The following STEEP1 variants were observed in gnomAD, a reference collection of about 807,000 sequenced individuals.
STEEP1 encodes STING ER exit protein.
Under a neutral mutation model 19.2 loss-of-function variants are expected in STEEP1, and 3 were observed. That is an observed-to-expected ratio of 0.16 (90% confidence interval 0.07 to 0.40). STEEP1 has a LOEUF of 0.40. Ranked by LOEUF, STEEP1 falls within the 10% of genes least tolerant of loss-of-function variation. The pLI, the probability that STEEP1 is intolerant of heterozygous loss-of-function variation, is 0.99. For missense variants in STEEP1, 54 were observed against 177.1 expected (o/e 0.30, Z 3.94); for synonymous variants, 46 against 63.7 (o/e 0.72, Z 1.32).
chrX:119,565,358 T>C lies in STEEP1; in HGVS notation c.-3A>G, dbSNP rs764324871. The C allele has an allele frequency of 1.3e-5, 16 of 1,188,557 alleles. No homozygotes were observed. The East Asian group carries it at 4.2e-4, about 31-fold the overall frequency. Reference sequence around the variant, plus strand: ...GACCGAGACACTACTTTCGGCATGATTCCCAAGAGCAATCTGAAAACTCTA... The same window carrying C: ...GACCGAGACACTACTTTCGGCATGACTCCCAAGAGCAATCTGAAAACTCTA... On this transcript the variant is annotated 5_prime_UTR_variant, in exon 1 of 7. Coordinates refer to ENST00000644802, the MANE Select transcript of STEEP1 (RefSeq NM_022101.4).
chrX:119,555,123 AC>A (rs1468391026), intron 2 of STEEP1, among the ~76,000 whole-genome samples: 11 of 108,411 alleles, frequency 1.0e-4, no homozygotes, highest in African/African-American at 3.7e-4. Flanking sequence ...AAAAAAAAAG[AC>A]TTCAGATGAC....
intron 1 of STEEP1, among the ~76,000 whole-genome samples, chrX:119,561,864 T>A (rs1187248589): frequency 9.0e-6 from 1 of 111,525 alleles, no homozygotes; most frequent in Non-Finnish European, 1.9e-5. Flanking sequence ...TAAAGATTTG[T>A]TGTTCCTATT....
At chrX:119,554,744 T>A (rs770847791) in intron 2 of STEEP1, among the ~76,000 whole-genome samples, 12 of 111,569 alleles carry the variant, frequency 1.1e-4, no homozygotes, top group Non-Finnish European at 1.9e-4. Flanking sequence ...AAACTGAGGC[T>A]TCTTGCCAAC....
intron 2 of STEEP1, among the ~76,000 whole-genome samples, chrX:119,555,904 G>C (rs2053275496): frequency 9.0e-6 from 1 of 111,650 alleles, no homozygotes; most frequent in East Asian, 2.8e-4. Context: ...TAAGAAGAAG[G>C]AAAAGAAGGA....
intron 6 of STEEP1, 111 bp downstream of exon 6, chrX:119,541,217 T>C: frequency 1.9e-6 from 1 of 535,862 alleles, no homozygotes; most frequent in East Asian, 3.4e-5. Flanking sequence ...CCAACTACTC[T>C]AAAACCTCCC....
chrX:119,542,671 C>T, intron 4 of STEEP1, 77 bp from the exon 5 acceptor site: 1 of 672,696 alleles, frequency 1.5e-6, no homozygotes, highest in Non-Finnish European at 2.4e-6. Context: ...TGCGCACACG[C>T]CTGTGTGAGG....
chrX:119,542,055 C>CTTTTCTTT (rs2053165623), intron 5 of STEEP1, among the ~76,000 whole-genome samples: 1 of 82,908 alleles, frequency 1.2e-5, no homozygotes, highest in Non-Finnish European at 2.3e-5. Context: ...CTTTTCTTTT[C>CTTTTCTTT]TTTTTTTTTT....
chrX:119,544,429 T>A lies in STEEP1; in HGVS notation c.347A>T (p.Asp116Val). 1 of 1,208,978 alleles carries A rather than the reference T, an allele frequency of 8.3e-7. No homozygotes were observed. The highest frequency in any genetic ancestry group is 1.1e-6 in the Non-Finnish European group (1 of 892,983). Residue 116 changes from aspartate to valine, a missense_variant, in exon 4 of 7, where the codon GAT becomes GTT. Physicochemically the swap from Asp to Val is radical, Grantham distance 152. Around this residue, in one of 2 missense-constraint regions of STEEP1, gnomAD observed 47 missense variants for 118.5 expected, o/e 0.40. Transcript: ENST00000644802. The stretch of plus-strand genomic sequence containing the variant: ...CTGGCCAAACTTGACTACTGCTCCA[T>A]CCACAATGAAGGTAACAGGAGCATT... ...PKNAPVTFIV[D>V]GAVVKFGQGF...
intron 3 of STEEP1, among the ~76,000 whole-genome samples, 177 bp from the exon 4 acceptor site, chrX:119,544,668 T>A (rs1367854176): frequency 8.9e-6 from 1 of 112,243 alleles, no homozygotes; most frequent in African/African-American, 3.2e-5. Flanking sequence ...AGGCCGGGCG[T>A]GGTGGCTCAC....
intron 4 of STEEP1, among the ~76,000 whole-genome samples, chrX:119,543,988 G>A (rs2053183125): frequency 1.8e-5 from 2 of 111,354 alleles, no homozygotes; most frequent in African/African-American, 6.5e-5. Context: ...CATAGCATCT[G>A]TTTATACACA....
chrX:119,554,615 T>G (rs1042059275), intron 2 of STEEP1, among the ~76,000 whole-genome samples: 1 of 111,950 alleles, frequency 8.9e-6, no homozygotes, highest in Non-Finnish European at 1.9e-5. Flanking sequence ...TTCTGAGTCA[T>G]AGCCATAAAA....
intron 2 of STEEP1, among the ~76,000 whole-genome samples, chrX:119,549,250 G>C (rs1455545952): frequency 8.9e-6 from 1 of 111,979 alleles, no homozygotes; most frequent in Non-Finnish European, 1.9e-5. Flanking sequence ...TGGTAACTGT[G>C]AGGTGATAGA....
rs943183688 is a variant in STEEP1, at chrX:119,560,403, T to A, written c.125-18A>T. On this transcript the variant is annotated intron_variant, in intron 1 of 6. Transcript: ENST00000644802. Reference sequence around the variant, plus strand: ...CTGGCAGTCTGAAGGAATGGAGAGATTTGGTCACTAGAGTCATGGCAAAAT... The same window carrying A: ...CTGGCAGTCTGAAGGAATGGAGAGAATTGGTCACTAGAGTCATGGCAAAAT... 5.4e-6 allele frequency: 6 copies of A among 1,119,058 alleles called. No homozygotes were observed. The East Asian group carries it at 1.8e-4, about 33-fold the overall frequency. The allele number at this position is 1,119,058 out of a possible 1,213,427, so 92.2% of individuals were successfully genotyped here. A position where few individuals can be genotyped will look rare whatever the true frequency, so the allele number is the denominator to read the frequency against.
At chrX:119,556,529 G>A (rs1265043972) in intron 2 of STEEP1, among the ~76,000 whole-genome samples, 1 of 107,105 alleles carries the variant, frequency 9.3e-6, no homozygotes, top group Admixed American at 1.0e-4. Flanking sequence ...CTTGCAGTGA[G>A]CTGAGATCAC....
chrX:119,561,129 C>T (rs2053317553), intron 1 of STEEP1, among the ~76,000 whole-genome samples: 1 of 108,238 alleles, frequency 9.2e-6, no homozygotes, highest in African/African-American at 3.4e-5. Context: ...GGCCCAGCTA[C>T]TTGGGAGGCT....
rs781421862 is a variant in STEEP1, at chrX:119,539,643, G to T, written c.*84C>A. 1.4e-4 allele frequency: 101 copies of T among 726,023 alleles called. No individual in the cohort carries two copies. The highest frequency in any genetic ancestry group is 1.8e-4 in the Non-Finnish European group (86 of 475,485). The allele number at this position is 726,023 out of a possible 1,213,427, so 59.8% of individuals were successfully genotyped here. On this transcript the variant is annotated 3_prime_UTR_variant, in exon 7 of 7. Coordinates refer to ENST00000644802, the MANE Select transcript of STEEP1 (RefSeq NM_022101.4). ...AAAGCCTTCTGCTAGGGCATAAATA[G>T]GAATCCGTCTATGTAATCAAGAAAT...
At chrX:119,557,320 G>T (rs746507463) in intron 2 of STEEP1, among the ~76,000 whole-genome samples, 15 of 107,370 alleles carry the variant, frequency 1.4e-4, no homozygotes, top group African/African-American at 5.1e-4. Flanking sequence ...CATTCTGGCC[G>T]GGCACAGTGG....
intron 2 of STEEP1, among the ~76,000 whole-genome samples, chrX:119,551,687 CACA>C (rs2053242715): frequency 1.4e-5 from 1 of 73,333 alleles, no homozygotes; most frequent in East Asian, 5.8e-4. Context: ...GATCTCACAC[CACA>C]ACAACAACCT....
intron 2 of STEEP1, among the ~76,000 whole-genome samples, chrX:119,559,918 G>A (rs766041060): frequency 5.8e-4 from 65 of 111,729 alleles, no homozygotes; most frequent in Admixed American, 1.7e-3. Context: ...GCGTGGTGGC[G>A]CACGCCTGTC....
Sources: allele counts gnomAD v4.1 joint callset (sites outside exome capture counted in the v4.1 genomes callset), GRCh38; gene constraint gnomAD v4.1.1; regional missense constraint gnomAD v4.1.1; transcripts MANE v1.5; gene names NCBI Gene and HGNC (gene_info 2026-07-23, HGNC 2026-07-21).